The following ZSWIM6 variants were observed in gnomAD, a reference collection of about 807,000 sequenced individuals.
The protein encoded by ZSWIM6 is zinc finger SWIM-type containing 6.
ZSWIM6 carries 9 observed loss-of-function variants against 113.2 expected under a neutral mutation model. The ratio of observed to expected loss-of-function variants is 0.08; its 90% CI spans 0.05 to 0.14. The LOEUF (loss-of-function observed/expected upper bound fraction) is 0.14. ZSWIM6 is among the 10% of genes least tolerant of loss of function. The probability of loss-of-function intolerance (pLI) is 1.00; values close to 1 mark genes in which losing one functional copy is unlikely to be tolerated. For synonymous variants in ZSWIM6, 611 were observed against 606.5 expected (o/e 1.01, Z -0.11); for missense variants, 1,162 against 1,552.2 (o/e 0.75, Z 4.22).
At chr5:61,449,432 G>A (rs1201302774) in intron 1 of ZSWIM6, among the ~76,000 whole-genome samples, 2 of 152,102 alleles carry the variant, frequency 1.3e-5, no homozygotes, top group African/African-American at 2.4e-5. Flanking sequence ...GTCTTACCAT[G>A]TTGCCCAGGC....
At chr5:61,403,174 T>C (rs938930130) in intron 1 of ZSWIM6, among the ~76,000 whole-genome samples, 1 of 152,242 alleles carries the variant, frequency 6.6e-6, no homozygotes, top group African/African-American at 2.4e-5. Context: ...ATAGCTTTCT[T>C]GAGGTAACTC....
intron 1 of ZSWIM6, among the ~76,000 whole-genome samples, chr5:61,409,071 GTT>G (rs745675137): frequency 7.6e-5 from 9 of 118,704 alleles, no homozygotes; most frequent in Admixed American, 1.8e-4. Context: ...GAGGGGAAAG[GTT>G]TTTTTTTTTT....
At chr5:61,475,489 T>A (rs913484482) in intron 2 of ZSWIM6, among the ~76,000 whole-genome samples, 2 of 152,212 alleles carry the variant, frequency 1.3e-5, no homozygotes. Context: ...CAAGGATAGA[T>A]TGTAGGTTAC....
intron 4 of ZSWIM6, among the ~76,000 whole-genome samples, chr5:61,513,320 A>G (rs762121729): frequency 6.6e-6 from 1 of 151,940 alleles, no homozygotes; most frequent in Non-Finnish European, 1.5e-5. Flanking sequence ...GCCCAGTTTT[A>G]TTGAGTTAAA....
At chr5:61,538,347 A>C (rs1226199553) in intron 10 of ZSWIM6, among the ~76,000 whole-genome samples, 2 of 152,230 alleles carry the variant, frequency 1.3e-5, no homozygotes, top group Non-Finnish European at 2.9e-5. Flanking sequence ...TAAATAGGTT[A>C]AGCTTATTCA....
chr5:61,384,537 T>G (rs1271316146), intron 1 of ZSWIM6, among the ~76,000 whole-genome samples: 3 of 152,108 alleles, frequency 2.0e-5, no homozygotes, highest in Admixed American at 2.0e-4. Flanking sequence ...TTCATGAGAT[T>G]ATGGGGTTTA....
At chr5:61,505,868 T>TAATC (rs1473443409) in intron 4 of ZSWIM6, among the ~76,000 whole-genome samples, 1 of 151,634 alleles carries the variant, frequency 6.6e-6, no homozygotes, top group East Asian at 1.9e-4. Context: ...TGCCTCAGCT[T>TAATC]CCTTAGTAGC....
At chr5:61,516,009 T>C (rs1234991137) in intron 4 of ZSWIM6, among the ~76,000 whole-genome samples, 1 of 152,040 alleles carries the variant, frequency 6.6e-6, no homozygotes, top group Non-Finnish European at 1.5e-5. Flanking sequence ...TTTTTCATGG[T>C]ATATCTTTTT....
intron 4 of ZSWIM6, among the ~76,000 whole-genome samples, chr5:61,519,959 A>G (rs1749068453): frequency 6.6e-6 from 1 of 152,128 alleles, no homozygotes; most frequent in South Asian, 2.1e-4. Context: ...ATGAGAATCT[A>G]ATGCCACCGC....
At position 61,504,503 on chromosome 5, in the gene ZSWIM6, A is replaced by G. The variant is rs773413585; in HGVS notation, c.1333+10093A>G. ...CTGTTCTCTAGGAAACCCAACACCC[A>G]TCATAAGTTCTTTCTGAACTCCACA... On this transcript the variant is annotated intron_variant, in intron 4 of 13. Transcript: ENST00000252744. Among the ~76,000 whole-genome samples the G allele has an allele frequency of 7.6e-4, 116 of 152,328 alleles. 1 individual carries two copies. The highest frequency in any genetic ancestry group is 3.4e-3 in the Middle Eastern group (1 of 294).
chr5:61,453,871 G>GA (rs1221267726), intron 1 of ZSWIM6, among the ~76,000 whole-genome samples: 6 of 151,312 alleles, frequency 4.0e-5, no homozygotes, highest in African/African-American at 1.5e-4. Flanking sequence ...TTGGGGGGGG[G>GA]AAGATACTTT....
intron 1 of ZSWIM6, among the ~76,000 whole-genome samples, chr5:61,439,193 G>T (rs999417042): frequency 6.6e-6 from 1 of 152,140 alleles, no homozygotes; most frequent in African/African-American, 2.4e-5. Flanking sequence ...AAAGGCAAAT[G>T]ACTTTTATTT....
At position 61,359,343 on chromosome 5, in the gene ZSWIM6, A is replaced by T. The variant is rs145104738; in HGVS notation, c.676+26395A>T. ...AGGAAGGCCGTATGTGGCTGAATGG[A>T]CTTGTGACCTTGGGCATCACTGGTA... On this transcript the variant is annotated intron_variant, in intron 1 of 13. Transcript: ENST00000252744. Among the ~76,000 whole-genome samples the T allele has an allele frequency of 7.2e-4, 109 of 152,204 alleles. 2 individuals carry two copies. The East Asian group carries it at 0.017, about 24-fold the overall frequency.
intron 1 of ZSWIM6, among the ~76,000 whole-genome samples, chr5:61,429,402 T>A (rs1409223362): frequency 6.6e-6 from 1 of 152,132 alleles, no homozygotes; most frequent in African/African-American, 2.4e-5. Flanking sequence ...GCGTTGGGAA[T>A]GAAGAAGAGG....
intron 9 of ZSWIM6, 95 bp downstream of exon 9, chr5:61,531,820 T>C: frequency 7.3e-7 from 1 of 1,369,952 alleles, no homozygotes. Flanking sequence ...GCATTTAATA[T>C]GGTAGTTATC....
At chr5:61,334,207 C>A (rs1744336783) in intron 1 of ZSWIM6, among the ~76,000 whole-genome samples, 1 of 152,190 alleles carries the variant, frequency 6.6e-6, no homozygotes, top group Non-Finnish European at 1.5e-5. Context: ...TTAAAAGTGT[C>A]TCCTGTTCCC....
chr5:61,514,271 T>C (rs905991921), intron 4 of ZSWIM6, among the ~76,000 whole-genome samples: 3 of 151,172 alleles, frequency 2.0e-5, no homozygotes, highest in Admixed American at 2.0e-4. Flanking sequence ...TTGATTTAAG[T>C]GTTTTTTTTT....
At chr5:61,435,878 T>G (rs929701870) in intron 1 of ZSWIM6, among the ~76,000 whole-genome samples, 1 of 152,152 alleles carries the variant, frequency 6.6e-6, no homozygotes, top group Non-Finnish European at 1.5e-5. Context: ...AATTGATATT[T>G]AAGATGAGCA....
chr5:61,540,916 G>GTTTTT (rs34749703), intron 12 of ZSWIM6, among the ~76,000 whole-genome samples: 40 of 94,496 alleles, frequency 4.2e-4, no homozygotes, highest in South Asian at 1.8e-3. Flanking sequence ...TATTTTGTGG[G>GTTTTT]TTTTTTTTTT....
Sources: gnomAD v4.1 joint callset for allele counts (sites outside exome capture counted in the v4.1 genomes callset) on GRCh38, gnomAD v4.1.1 for gene constraint, MANE v1.5 for transcripts, NCBI Gene and HGNC (gene_info 2026-07-23, HGNC 2026-07-21) for gene names.